The following C2orf49 variants were observed in gnomAD, a reference collection of about 807,000 sequenced individuals.
The protein encoded by C2orf49 is tRNA splicing ligase complex subunit 2.
Under a neutral mutation model 20.6 loss-of-function variants are expected in C2orf49, and 11 were observed. The observed-to-expected ratio is 0.53, with a 90% CI of 0.34 to 0.88. The LOEUF is 0.88. Among genes scored for constraint, C2orf49 ranks in the 40% least tolerant of loss-of-function variants. C2orf49 has a pLI of 0.02. For synonymous variants in C2orf49, 134 were observed against 108.5 expected (o/e 1.24, Z -1.46); for missense variants, 289 against 274.2 (o/e 1.05, Z -0.38).
chr2:105,377,938 A>G, the C2orf49 span: 1 of 410,718 alleles, frequency 2.4e-6, no homozygotes, highest in African/African-American at 2.1e-5. Flanking sequence ...GCAAGTTATC[A>G]GTGACAAGAG....
chr2:105,352,399 C>G (rs2576773), downstream of C2orf49, among the ~76,000 whole-genome samples: 20,299 of 141,906 alleles, frequency 0.14, 1,767 homozygotes, highest in South Asian at 0.25. Flanking sequence ...TCCCTGTCCG[C>G]AAGGGCCTTT....
At chr2:105,381,440 C>T in the C2orf49 span, among the ~76,000 whole-genome samples, 1 of 152,104 alleles carries the variant, frequency 6.6e-6, no homozygotes, top group Non-Finnish European at 1.5e-5. Context: ...CAGGACTTGT[C>T]CCCTTCGCGC....
intron 1 of C2orf49, among the ~76,000 whole-genome samples, chr2:105,338,897 G>A (rs947944319): frequency 2.2e-4 from 33 of 152,128 alleles, no homozygotes; most frequent in African/African-American, 7.2e-4. Flanking sequence ...CTGTGCTTAT[G>A]CTATGTTTTT....
chr2:105,338,460 G>T (rs77616219), intron 1 of C2orf49, among the ~76,000 whole-genome samples: 2 of 152,150 alleles, frequency 1.3e-5, no homozygotes, highest in East Asian at 3.8e-4. Context: ...TGAGTCGAGG[G>T]ACTTGCTAAA....
the C2orf49 span, among the ~76,000 whole-genome samples, chr2:105,382,686 G>A: frequency 1.3e-5 from 2 of 151,622 alleles, 1 homozygote; most frequent in South Asian, 4.1e-4. Flanking sequence ...TTTTGTTCTT[G>A]TTTATTATTT....
chr2:105,363,242 A>G, the C2orf49 span: 1 of 1,600,428 alleles, frequency 6.2e-7, no homozygotes, highest in Non-Finnish European at 8.5e-7. Flanking sequence ...GCCTTGTTCA[A>G]GCTTCCAATC....
chr2:105,368,441 C>T, the C2orf49 span, among the ~76,000 whole-genome samples: 1 of 152,174 alleles, frequency 6.6e-6, no homozygotes, highest in Non-Finnish European at 1.5e-5. Flanking sequence ...CAGGGAAACT[C>T]CTGCCTCAAC....
At chr2:105,379,941 G>A in the C2orf49 span, among the ~76,000 whole-genome samples, 1 of 152,220 alleles carries the variant, frequency 6.6e-6, no homozygotes, top group African/African-American at 2.4e-5. Context: ...AAACTCGTAG[G>A]TAACTAATTA....
At chr2:105,352,510 TCTCGG>T (rs1424294175), downstream of C2orf49, among the ~76,000 whole-genome samples, 1 of 127,682 alleles carries the variant, frequency 7.8e-6, no homozygotes, top group Non-Finnish European at 1.6e-5. Flanking sequence ...AGTGGCAGGA[TCTCGG>T]CCCACTGCAA....
chr2:105,385,584 C>T, the C2orf49 span, among the ~76,000 whole-genome samples: 1 of 152,208 alleles, frequency 6.6e-6, no homozygotes, highest in African/African-American at 2.4e-5. Flanking sequence ...TCACGGCACT[C>T]AGGATGACAG....
At chr2:105,377,554 G>A in the C2orf49 span, among the ~76,000 whole-genome samples, 5 of 152,226 alleles carry the variant, frequency 3.3e-5, no homozygotes, top group South Asian at 2.1e-4. Context: ...TCTTGAACCC[G>A]GGAGGTGGAG....
At chr2:105,351,244 G>A (rs553858349), downstream of C2orf49, among the ~76,000 whole-genome samples, 3 of 147,600 alleles carry the variant, frequency 2.0e-5, no homozygotes, top group East Asian at 4.0e-4. Flanking sequence ...TTTGGCCGAC[G>A]TAGTGTTTGT....
At chr2:105,349,652 A>C (rs138837812), downstream of C2orf49, among the ~76,000 whole-genome samples, 1 of 152,348 alleles carries the variant, frequency 6.6e-6, no homozygotes, top group African/African-American at 2.4e-5. Context: ...ACTTGCTTTC[A>C]TAGAGAAAAC....
At chr2:105,363,341 T>C in the C2orf49 span, 1 of 1,614,130 alleles carries the variant, frequency 6.2e-7, no homozygotes, top group Non-Finnish European at 8.5e-7. Flanking sequence ...ACAGAAGCAG[T>C]TCAGGCAGTA....
At chr2:105,374,097 C>T in the C2orf49 span, 5 of 311,130 alleles carry the variant, frequency 1.6e-5, no homozygotes, top group South Asian at 1.2e-4. Context: ...GACAGAGAAA[C>T]AGACTGCAGG....
chr2:105,365,781 G>T, the C2orf49 span, among the ~76,000 whole-genome samples: 1 of 152,078 alleles, frequency 6.6e-6, no homozygotes, highest in East Asian at 1.9e-4. Flanking sequence ...GAAAGCAGAG[G>T]TTGCAGTGAG....
the C2orf49 span, among the ~76,000 whole-genome samples, chr2:105,372,553 A>T: frequency 6.6e-6 from 1 of 152,068 alleles, no homozygotes; most frequent in South Asian, 2.1e-4. Flanking sequence ...ACTATTTCCC[A>T]TATGTCAGTC....
At chr2:105,366,216 A>AC in the C2orf49 span, among the ~76,000 whole-genome samples, 1 of 152,004 alleles carries the variant, frequency 6.6e-6, no homozygotes, top group African/African-American at 2.4e-5. Context: ...TCTCAAAAAA[A>AC]GAAAAAAAAA....
In C2orf49 at chr2:105,345,320, C is replaced by A. The variant is rs1383046933; in HGVS notation, c.648C>A (p.Asn216Lys). Residue 216 changes from asparagine to lysine, a missense_variant, in exon 4 of 4, where the codon AAC becomes AAA. Transcript: ENST00000258457. ...APKEEAEAMN[N>K]LKPPQAKRKI... ...TTTCTGTTCATGTCTTTCAGAATAA[C>A]CTGAAGCCCCCACAAGCAAAAAGGA... is the stretch of plus-strand genomic sequence containing the variant. 1.9e-6 allele frequency: 3 copies of A among 1,612,110 alleles called. No homozygotes were observed. The highest frequency in any genetic ancestry group is 2.2e-5 in the South Asian group (2 of 90,334).
Sources: allele counts gnomAD v4.1 joint callset (sites outside exome capture counted in the v4.1 genomes callset), GRCh38; gene constraint gnomAD v4.1.1; transcripts MANE v1.5; gene names NCBI Gene and HGNC (gene_info 2026-07-23, HGNC 2026-07-21).